The following ELMO1 variants were observed in gnomAD, a reference collection of about 807,000 sequenced individuals.
ELMO1 encodes engulfment and cell motility protein 1.
A neutral mutation model predicts 98.9 loss-of-function variants in ELMO1; 26 were observed. The observed-to-expected ratio is 0.26, with a 90% confidence interval of 0.19 to 0.36. The LOEUF is 0.36. ELMO1 is among the 10% of genes least tolerant of loss of function. The pLI is 1.00. For synonymous variants in ELMO1, 346 were observed against 346.0 expected, an observed-to-expected ratio of 1.00 and a Z score of 0.00; for missense variants, 627 against 935.2, an observed-to-expected ratio of 0.67 and a Z score of 4.30.
intron 4 of ELMO1, among the ~76,000 whole-genome samples, chr7:37,285,461 G>A (rs921178107): frequency 5.9e-5 from 9 of 152,176 alleles, no homozygotes; most frequent in African/African-American, 2.2e-4. Flanking sequence ...ATTATGGTAA[G>A]GCAGGCCAAA....
intron 13 of ELMO1, among the ~76,000 whole-genome samples, chr7:37,199,642 T>C (rs1248146518): frequency 1.3e-5 from 2 of 152,000 alleles, no homozygotes; most frequent in East Asian, 1.9e-4. Context: ...ACCAAACAGA[T>C]GGAAATGGTG....
In ELMO1 at chr7:37,191,363, G is replaced by GA. The variant is rs529501174; in HGVS notation, c.1086+20022dup. On this transcript the variant is annotated intron_variant, in intron 13 of 21. Transcript: ENST00000310758. Reference sequence around the variant, plus strand: ...AAGCCCAACTAAATCAAAGTAGTTAGAAAAAACAAACAAAAATCTACCTCA... The same window carrying GA: ...AAGCCCAACTAAATCAAAGTAGTTAGAAAAAAACAAACAAAAATCTACCTCA... 3.6e-3 allele frequency among the ~76,000 whole-genome samples: 538 copies of GA among 151,508 alleles called. 4 individuals are homozygous for GA. Among genetic ancestry groups the GA allele is most frequent in the African/African-American group, 0.012 (501 of 41,288 alleles).
intron 4 of ELMO1, 120 bp downstream of exon 4, chr7:37,314,730 T>G: frequency 1.3e-6 from 1 of 786,096 alleles, no homozygotes; most frequent in East Asian, 2.7e-5. Context: ...AGACTCTATT[T>G]TCGTGGATAG....
chr7:37,062,066 G>C (rs190203909), intron 15 of ELMO1, among the ~76,000 whole-genome samples: 1 of 152,046 alleles, frequency 6.6e-6, no homozygotes, highest in Non-Finnish European at 1.5e-5. Flanking sequence ...ACCCCTAAAG[G>C]CCATTTGATT....
chr7:36,898,465 T>C (rs1037413716), intron 16 of ELMO1, among the ~76,000 whole-genome samples: 1 of 152,220 alleles, frequency 6.6e-6, no homozygotes. Flanking sequence ...TCTGTAATAA[T>C]GTTACACATT....
intron 15 of ELMO1, among the ~76,000 whole-genome samples, chr7:37,063,498 C>T (rs981290786): frequency 1.3e-5 from 2 of 152,098 alleles, no homozygotes; most frequent in Non-Finnish European, 2.9e-5. Flanking sequence ...CTAAGGAATA[C>T]AACAAATTAG....
chr7:37,166,412 T>C (rs1347767289), intron 13 of ELMO1, among the ~76,000 whole-genome samples: 2 of 152,142 alleles, frequency 1.3e-5, no homozygotes, highest in Non-Finnish European at 2.9e-5. Context: ...CTTTTCTAGT[T>C]CTTTTAATTG....
At chr7:37,305,856 A>T (rs1344109664) in intron 4 of ELMO1, among the ~76,000 whole-genome samples, 2 of 152,212 alleles carry the variant, frequency 1.3e-5, no homozygotes, top group African/African-American at 4.8e-5. Flanking sequence ...AAATAGTTAA[A>T]CAACAGTTCA....
chr7:36,946,985 A>G (rs1047489572), intron 16 of ELMO1, among the ~76,000 whole-genome samples: 1 of 152,186 alleles, frequency 6.6e-6, no homozygotes. Flanking sequence ...TTTAAAAATT[A>G]TTTTAGATTT....
At chr7:37,007,330 C>G (rs1008024062) in intron 16 of ELMO1, among the ~76,000 whole-genome samples, 1 of 152,178 alleles carries the variant, frequency 6.6e-6, no homozygotes, top group Non-Finnish European at 1.5e-5. Flanking sequence ...CCACACCAGG[C>G]CCAGTTCAGA....
At chr7:37,261,533 C>T (rs552690815) in intron 5 of ELMO1, among the ~76,000 whole-genome samples, 5 of 152,274 alleles carry the variant, frequency 3.3e-5, no homozygotes, top group African/African-American at 1.2e-4. Context: ...ACGCTGAGGA[C>T]CACCACTCTA....
chr7:37,275,256 C>A (rs1796768680), intron 4 of ELMO1, among the ~76,000 whole-genome samples: 1 of 152,216 alleles, frequency 6.6e-6, no homozygotes, highest in South Asian at 2.1e-4. Flanking sequence ...GGCTTCCCTG[C>A]CACACCCAAG....
chr7:37,271,263 C>T (rs17257237), intron 5 of ELMO1: 8,215 of 152,786 alleles, frequency 0.054, 294 homozygotes, highest in African/African-American at 0.081. Context: ...GGAAAGTAAC[C>T]GACTTTAAAG....
intron 13 of ELMO1, among the ~76,000 whole-genome samples, chr7:37,143,068 G>C (rs992951176): frequency 1.3e-5 from 2 of 152,164 alleles, no homozygotes; most frequent in African/African-American, 4.8e-5. Flanking sequence ...AAAGAACTAC[G>C]TGACTAATTA....
At chr7:37,357,428 C>G (rs997197821) in intron 1 of ELMO1, among the ~76,000 whole-genome samples, 2 of 152,118 alleles carry the variant, frequency 1.3e-5, no homozygotes, top group African/African-American at 4.8e-5. Flanking sequence ...AGCTGCCCCC[C>G]AGAAGCTGTG....
intron 13 of ELMO1, among the ~76,000 whole-genome samples, chr7:37,162,712 C>CA (rs912108144): frequency 2.6e-5 from 4 of 151,934 alleles, no homozygotes; most frequent in African/African-American, 4.8e-5. Flanking sequence ...AAGAAACCGG[C>CA]AAAAAAATAA....
chr7:37,257,227 C>T (rs1464527542), intron 6 of ELMO1, among the ~76,000 whole-genome samples: 1 of 152,210 alleles, frequency 6.6e-6, no homozygotes, highest in East Asian at 1.9e-4. Flanking sequence ...ACATTCCTTC[C>T]TCCCTCATGA....
chr7:37,000,936 T>TACACACACAC (rs978102382), intron 16 of ELMO1, among the ~76,000 whole-genome samples: 9 of 126,252 alleles, frequency 7.1e-5, no homozygotes, highest in African/African-American at 3.6e-4. Flanking sequence ...TGTATATGTG[T>TACACACACAC]ATACACACAC....
chr7:37,390,858 C>T (rs1411747813), intron 1 of ELMO1, among the ~76,000 whole-genome samples: 1 of 152,190 alleles, frequency 6.6e-6, no homozygotes, highest in African/African-American at 2.4e-5. Context: ...TAGACAACTG[C>T]CAGGGCACAC....
Sources: gnomAD v4.1 joint callset for allele counts (sites outside exome capture counted in the v4.1 genomes callset) on GRCh38, gnomAD v4.1.1 for gene constraint, MANE v1.5 for transcripts, NCBI Gene and HGNC (gene_info 2026-07-23, HGNC 2026-07-21) for gene names.